Variants in MIPOL1 observed in about 807,000 individuals in gnomAD.
MIPOL1 encodes the protein mirror-image polydactyly gene 1 protein.
Under a neutral mutation model 60.9 loss-of-function variants are expected in MIPOL1, and 57 were observed. That is an observed-to-expected ratio of 0.94 (90% CI 0.76 to 1.17). The LOEUF (loss-of-function observed/expected upper bound fraction) is 1.17, where lower values mean the gene tolerates loss of function less well. Among genes scored for constraint, MIPOL1 ranks in the 50% most tolerant of loss-of-function variants. The pLI, the probability that MIPOL1 is intolerant of heterozygous loss-of-function variation, is 0.00. For synonymous variants in MIPOL1, 179 were observed against 168.8 expected, an observed-to-expected ratio of 1.06 and a Z score of -0.47; for missense variants, 551 against 511.6, an observed-to-expected ratio of 1.08 and a Z score of -0.74.
intron 5 of MIPOL1, among the ~76,000 whole-genome samples, chr14:37,269,147 T>A (rs1290434427): frequency 6.6e-6 from 1 of 152,024 alleles, no homozygotes; most frequent in African/African-American, 2.4e-5. Flanking sequence ...CTATCTTAAT[T>A]TTTTTTTCTT....
At chr14:37,309,718 G>C (rs896281873) in intron 9 of MIPOL1, among the ~76,000 whole-genome samples, 2 of 147,134 alleles carry the variant, frequency 1.4e-5, no homozygotes, top group Non-Finnish European at 3.0e-5. Context: ...ACAGAGTCTT[G>C]GTCTGTCACC....
rs538599094 is a variant in MIPOL1, at chr14:37,340,214, C to T, written c.829-29303C>T. On this transcript the variant is annotated intron_variant, in intron 9 of 12. Transcript: ENST00000684589. ...CTGCTGTGATGTAGTTGGTCCTGACCCTAGGTTAATGTGTGTGTTTTTGTC... is the reference window on the plus strand; with the variant it reads ...CTGCTGTGATGTAGTTGGTCCTGACTCTAGGTTAATGTGTGTGTTTTTGTC... 1.3e-4 allele frequency among the ~76,000 whole-genome samples: 20 copies of T among 151,580 alleles called. No homozygotes were observed. In the South Asian group the frequency reaches 2.1e-3, roughly 16 times the overall value.
intron 9 of MIPOL1, among the ~76,000 whole-genome samples, chr14:37,338,241 G>T (rs1353078756): frequency 6.6e-6 from 1 of 151,440 alleles, no homozygotes; most frequent in Non-Finnish European, 1.5e-5. Context: ...TGAGTAGCTG[G>T]GACTACAGGC....
At chr14:37,342,852 G>A (rs1182750785) in intron 9 of MIPOL1, among the ~76,000 whole-genome samples, 5 of 151,448 alleles carry the variant, frequency 3.3e-5, no homozygotes, top group African/African-American at 2.4e-5. Context: ...ATTTTTCTTT[G>A]TGACTTAAAA....
At chr14:37,272,685 A>C (rs1210471178) in intron 6 of MIPOL1, among the ~76,000 whole-genome samples, 1 of 151,674 alleles carries the variant, frequency 6.6e-6, no homozygotes, top group African/African-American at 2.4e-5. Flanking sequence ...ATGTGAAAGA[A>C]CAAATAATCC....
intron 6 of MIPOL1, among the ~76,000 whole-genome samples, chr14:37,273,611 C>G (rs1349270312): frequency 1.3e-5 from 2 of 151,196 alleles, no homozygotes; most frequent in African/African-American, 4.8e-5. Context: ...TTAGAAGAAT[C>G]TGGTACAGTC....
At chr14:37,384,057 T>G (rs2093000198) in intron 10 of MIPOL1, among the ~76,000 whole-genome samples, 1 of 151,956 alleles carries the variant, frequency 6.6e-6, no homozygotes, top group Non-Finnish European at 1.5e-5. Context: ...TGCCCTTTCC[T>G]TGCTCTTTTG....
chr14:37,293,900 A>G (rs1418099484), intron 7 of MIPOL1, among the ~76,000 whole-genome samples: 1 of 152,214 alleles, frequency 6.6e-6, no homozygotes, highest in African/African-American at 2.4e-5. Flanking sequence ...ACAGACAAAC[A>G]AAAGGCAGCA....
chr14:37,394,837 C>A lies in MIPOL1; in HGVS notation c.936+25213C>A, dbSNP rs200332877. On this transcript the variant is annotated intron_variant, in intron 10 of 12. Transcript: ENST00000684589. ...TGGGTTCTTGGTCATGAAATCCTTG[C>A]CTAAGCCAGTATCTATAAGGGTTTT... is the stretch of plus-strand genomic sequence containing the variant. 8.5e-5 allele frequency among the ~76,000 whole-genome samples: 13 copies of A among 152,206 alleles called. No homozygotes were observed. In the East Asian group the frequency reaches 1.5e-3, roughly 18 times the overall value.
At chr14:37,237,854 C>T (rs1971730115) in intron 1 of MIPOL1, among the ~76,000 whole-genome samples, 1 of 152,132 alleles carries the variant, frequency 6.6e-6, no homozygotes, top group Non-Finnish European at 1.5e-5. Context: ...AGTTTGGTCT[C>T]CATATTCTCG....
intron 11 of MIPOL1, among the ~76,000 whole-genome samples, chr14:37,451,722 A>G (rs563428906): frequency 1.9e-4 from 29 of 152,116 alleles, no homozygotes; most frequent in African/African-American, 7.0e-4. Flanking sequence ...GGGAACCTGT[A>G]GAAAGTAAAT....
At chr14:37,286,277 ACT>A (rs2084557905) in intron 7 of MIPOL1, among the ~76,000 whole-genome samples, 1 of 152,206 alleles carries the variant, frequency 6.6e-6, no homozygotes, top group Non-Finnish European at 1.5e-5. Context: ...GATGGACTAC[ACT>A]TAGAGAAACA....
In MIPOL1 at chr14:37,369,564, G is replaced by A. The variant is rs1375382911; in HGVS notation, c.876G>A (p.Gln292=). 1.2e-6 allele frequency: 2 copies of A among 1,613,460 alleles called. No individual in the cohort carries two copies. The highest frequency in any genetic ancestry group is 1.7e-6 in the Non-Finnish European group (2 of 1,179,674). ...TTCATCATGTGAAAGAGCAGAACCA[G>A]ACTTCAGCAAACAACATGAGACATC... ...QELHHVKEQN[Q]TSANNMRHLT... is the part of the protein sequence containing the mutation. The change falls in exon 10 of 13, where the codon CAG becomes CAA. Residue 292 remains glutamine (Q), a synonymous_variant. Coordinates refer to ENST00000684589, the MANE Select transcript of MIPOL1 (RefSeq NM_001388067.1).
chr14:37,330,782 A>G (rs1343495194), intron 9 of MIPOL1, among the ~76,000 whole-genome samples: 1 of 145,508 alleles, frequency 6.9e-6, no homozygotes, highest in East Asian at 2.0e-4. Context: ...TTCTTTTACC[A>G]CTAAAATACA....
intron 1 of MIPOL1, among the ~76,000 whole-genome samples, chr14:37,201,563 T>C (rs1282929093): frequency 6.6e-6 from 1 of 152,216 alleles, no homozygotes; most frequent in African/African-American, 2.4e-5. Context: ...CTGTTCCATC[T>C]TGGGTTTTCT....
chr14:37,508,604 C>T (rs936520472), intron 12 of MIPOL1, among the ~76,000 whole-genome samples: 1 of 152,098 alleles, frequency 6.6e-6, no homozygotes, highest in Non-Finnish European at 1.5e-5. Flanking sequence ...GGATATAAAA[C>T]ACTATGCTAA....
At chr14:37,258,225 G>A (rs754582877) in intron 3 of MIPOL1, among the ~76,000 whole-genome samples, 24 of 151,936 alleles carry the variant, frequency 1.6e-4, no homozygotes, top group Non-Finnish European at 2.8e-4. Flanking sequence ...TATAAAGAAA[G>A]TTTGTTTTTT....
chr14:37,233,509 A>G (rs1970948396), intron 1 of MIPOL1, among the ~76,000 whole-genome samples: 1 of 152,220 alleles, frequency 6.6e-6, no homozygotes, highest in Non-Finnish European at 1.5e-5. Context: ...GTCCATCCCT[A>G]AAGAACTGAG....
At chr14:37,449,807 T>TTTAG (rs574969163) in intron 11 of MIPOL1, among the ~76,000 whole-genome samples, 1 of 151,910 alleles carries the variant, frequency 6.6e-6, no homozygotes, top group South Asian at 2.1e-4. Context: ...TATTTATTTA[T>TTTAG]TTATTTACTT....
Sources: allele counts gnomAD v4.1 joint callset (sites outside exome capture counted in the v4.1 genomes callset), GRCh38; gene constraint gnomAD v4.1.1; transcripts MANE v1.5; gene names NCBI Gene and HGNC (gene_info 2026-07-23, HGNC 2026-07-21).